The following DCDC2 variants were observed in gnomAD, a reference collection of about 807,000 sequenced individuals.
DCDC2 encodes doublecortin domain-containing protein 2.
DCDC2 carries 40 observed loss-of-function variants against 50.2 expected under a neutral mutation model. The observed-to-expected ratio is 0.80, with a 90% CI of 0.62 to 1.04. DCDC2 has a LOEUF of 1.04. Ranked by LOEUF, DCDC2 falls within the 50% of genes least tolerant of loss-of-function variation. The probability of loss-of-function intolerance (pLI) is 0.00; values close to 1 mark genes in which losing one functional copy is unlikely to be tolerated. For synonymous variants in DCDC2, 234 were observed against 210.6 expected, an observed-to-expected ratio of 1.11 and a Z score of -0.96; for missense variants, 570 against 581.9, an observed-to-expected ratio of 0.98 and a Z score of 0.21.
chr6:24,244,152 G>C (rs1007324483), intron 7 of DCDC2, among the ~76,000 whole-genome samples: 2 of 152,160 alleles, frequency 1.3e-5, no homozygotes, highest in African/African-American at 4.8e-5. Flanking sequence ...TCTCAATCTA[G>C]AAGGTAAAAT....
chr6:24,368,142 A>T, the DCDC2 span, among the ~76,000 whole-genome samples: 1 of 152,136 alleles, frequency 6.6e-6, no homozygotes, highest in Non-Finnish European at 1.5e-5. Flanking sequence ...AAAAAAAGAA[A>T]AAAATAACAA....
intron 7 of DCDC2, among the ~76,000 whole-genome samples, chr6:24,228,008 G>A (rs142564704): frequency 1.3e-5 from 2 of 152,212 alleles, no homozygotes. Flanking sequence ...CTCTTCTGCA[G>A]TTTGTGCAAA....
intron 8 of DCDC2, among the ~76,000 whole-genome samples, chr6:24,188,634 A>G (rs1185152086): frequency 6.6e-6 from 1 of 152,204 alleles, no homozygotes; most frequent in Non-Finnish European, 1.5e-5. Flanking sequence ...AAAATTTTTA[A>G]GAGAACCTGT....
Position 24,205,112 on chromosome 6 carries a change from CA to C in DCDC2, c.923-11del. 1 of 1,614,098 alleles carries C rather than the reference CA, an allele frequency of 6.2e-7. No homozygotes were observed. The highest frequency in any genetic ancestry group is 8.5e-7 in the Non-Finnish European group (1 of 1,179,998). On this transcript the variant is annotated splice_polypyrimidine_tract_variant and intron_variant, in intron 7 of 9. Coordinates refer to ENST00000378454, the MANE Select transcript of DCDC2 (RefSeq NM_016356.5). ...TTGAAAATGCCTTCATCTATTGAGA[CA>C]AACACACAGTGAAAATCAAAATCCA... is the stretch of plus-strand genomic sequence containing the variant.
chr6:24,221,509 G>A (rs114079834), intron 7 of DCDC2, among the ~76,000 whole-genome samples: 37 of 152,268 alleles, frequency 2.4e-4, no homozygotes, highest in African/African-American at 8.9e-4. Context: ...AGTACCACAT[G>A]ACAGACAATT....
chr6:24,207,697 A>C (rs1761753436), intron 7 of DCDC2, among the ~76,000 whole-genome samples: 1 of 152,138 alleles, frequency 6.6e-6, no homozygotes, highest in South Asian at 2.1e-4. Flanking sequence ...TCCAAGAATA[A>C]GCATGGTGCA....
intron 6 of DCDC2, among the ~76,000 whole-genome samples, chr6:24,282,911 A>T (rs1032719698): frequency 2.6e-5 from 4 of 152,286 alleles, no homozygotes; most frequent in East Asian, 1.9e-4. Flanking sequence ...GAGTATAAGG[A>T]ATTCATCTTA....
At chr6:24,222,406 A>G (rs1762140187) in intron 7 of DCDC2, among the ~76,000 whole-genome samples, 1 of 152,246 alleles carries the variant, frequency 6.6e-6, no homozygotes, top group South Asian at 2.1e-4. Context: ...ATTTTTTTCC[A>G]GATGAAGTCA....
chr6:24,363,007 G>C (rs114039539), upstream of DCDC2, among the ~76,000 whole-genome samples: 798 of 152,298 alleles, frequency 5.2e-3, 5 homozygotes, highest in African/African-American at 0.018. Context: ...ATCACGAAGA[G>C]CTGAGGTAGA....
chr6:24,361,453 A>G (rs901317378), upstream of DCDC2, among the ~76,000 whole-genome samples: 1 of 152,154 alleles, frequency 6.6e-6, no homozygotes, highest in Admixed American at 6.5e-5. Context: ...AAGTTAACAA[A>G]TTTCAAAAGA....
intron 2 of DCDC2, among the ~76,000 whole-genome samples, chr6:24,328,631 A>T (rs1561776768): frequency 6.6e-6 from 1 of 151,858 alleles, no homozygotes; most frequent in African/African-American, 2.4e-5. Flanking sequence ...CTATGTCCCT[A>T]CTCCTGGCCT....
At chr6:24,244,475 G>A (rs1028618052) in intron 7 of DCDC2, among the ~76,000 whole-genome samples, 1 of 152,182 alleles carries the variant, frequency 6.6e-6, no homozygotes, top group East Asian at 1.9e-4. Flanking sequence ...TGCCTCTGGG[G>A]CCTAAGACTC....
At chr6:24,297,104 C>T (rs1276686265) in intron 4 of DCDC2, among the ~76,000 whole-genome samples, 4 of 152,006 alleles carry the variant, frequency 2.6e-5, no homozygotes, top group Admixed American at 1.3e-4. Flanking sequence ...AAAAGTGGTA[C>T]ATATACACCA....
At chr6:24,205,690 T>A (rs1692427866) in intron 7 of DCDC2, among the ~76,000 whole-genome samples, 1 of 152,230 alleles carries the variant, frequency 6.6e-6, no homozygotes, top group African/African-American at 2.4e-5. Flanking sequence ...AATCCTTAAC[T>A]ATCAAATGTA....
At chr6:24,297,727 G>T (rs1323257305) in intron 4 of DCDC2, among the ~76,000 whole-genome samples, 1 of 151,956 alleles carries the variant, frequency 6.6e-6, no homozygotes, top group Non-Finnish European at 1.5e-5. Context: ...TAATTATTGA[G>T]ATCTGCCTTT....
intron 7 of DCDC2, among the ~76,000 whole-genome samples, chr6:24,231,156 C>T (rs1376071026): frequency 6.6e-6 from 1 of 152,230 alleles, no homozygotes; most frequent in Non-Finnish European, 1.5e-5. Flanking sequence ...TCCCTTTCCT[C>T]CCACATTCCC....
chr6:24,213,221 AAACT>A (rs1349240912), intron 7 of DCDC2, among the ~76,000 whole-genome samples: 2 of 152,186 alleles, frequency 1.3e-5, no homozygotes, highest in African/African-American at 2.4e-5. Context: ...AGTAAGAAGA[AAACT>A]AATATCATAA....
chr6:24,374,350 T>C, the DCDC2 span, among the ~76,000 whole-genome samples: 1 of 151,850 alleles, frequency 6.6e-6, no homozygotes, highest in Admixed American at 6.6e-5. Flanking sequence ...GGTGGATCAA[T>C]CACTTGAGGT....
At chr6:24,362,586 C>CA (rs1233088964), upstream of DCDC2, among the ~76,000 whole-genome samples, 1 of 151,268 alleles carries the variant, frequency 6.6e-6, no homozygotes, top group African/African-American at 2.4e-5. Flanking sequence ...TAACAATGCC[C>CA]ATGTTTACAA....
Sources: gnomAD v4.1 joint callset for allele counts (sites outside exome capture counted in the v4.1 genomes callset) on GRCh38, gnomAD v4.1.1 for gene constraint, MANE v1.5 for transcripts, NCBI Gene and HGNC (gene_info 2026-07-23, HGNC 2026-07-21) for gene names.